GPC6: variants seen among roughly 807,000 people sequenced by gnomAD.
The protein encoded by GPC6 is glypican-6.
Under a neutral mutation model 55.2 loss-of-function variants are expected in GPC6, and 14 were observed. That is an observed-to-expected ratio of 0.25 (90% CI 0.17 to 0.40). The LOEUF is 0.40. Ranked by LOEUF, GPC6 falls within the 10% of genes least tolerant of loss-of-function variation. GPC6 has a pLI of 1.00. For missense variants in GPC6, 641 were observed against 708.5 expected, an observed-to-expected ratio of 0.90 and a Z score of 1.08; for synonymous variants, 278 against 259.6, an observed-to-expected ratio of 1.07 and a Z score of -0.68.
chr13:94,264,697 G>T (rs992058851), intron 4 of GPC6, among the ~76,000 whole-genome samples: 7 of 152,168 alleles, frequency 4.6e-5, no homozygotes, highest in African/African-American at 1.2e-4. Context: ...TTAAAAAGAG[G>T]TATTTGAGAT....
intron 2 of GPC6, among the ~76,000 whole-genome samples, chr13:93,653,990 C>T (rs529575631): frequency 2.0e-5 from 3 of 152,278 alleles, no homozygotes; most frequent in Non-Finnish European, 4.4e-5. Context: ...TTATCACTTT[C>T]ACAGCCAGGA....
chr13:94,129,787 A>G (rs1205887351), intron 4 of GPC6, among the ~76,000 whole-genome samples: 2 of 152,148 alleles, frequency 1.3e-5, no homozygotes, highest in Non-Finnish European at 2.9e-5. Flanking sequence ...CTTGACTAAT[A>G]GAATAGCCCA....
At chr13:94,365,217 T>C (rs1420345218) in intron 6 of GPC6, among the ~76,000 whole-genome samples, 2 of 152,184 alleles carry the variant, frequency 1.3e-5, no homozygotes, top group Non-Finnish European at 2.9e-5. Context: ...TTGAAACCCA[T>C]AGAAAGACTT....
At chr13:93,617,297 T>G (rs1266315675) in intron 2 of GPC6, among the ~76,000 whole-genome samples, 1 of 152,136 alleles carries the variant, frequency 6.6e-6, no homozygotes, top group Non-Finnish European at 1.5e-5. Context: ...GTTTCTTTAT[T>G]TAGTTGTGTA....
chr13:93,373,775 T>A (rs952460562), intron 1 of GPC6, among the ~76,000 whole-genome samples: 1 of 152,236 alleles, frequency 6.6e-6, no homozygotes, highest in Non-Finnish European at 1.5e-5. Context: ...ACTAGTTAAA[T>A]CTGAGGTCAG....
At chr13:93,654,493 A>T (rs1436871766) in intron 2 of GPC6, among the ~76,000 whole-genome samples, 5 of 151,932 alleles carry the variant, frequency 3.3e-5, no homozygotes, top group African/African-American at 1.2e-4. Flanking sequence ...ACACCCAGCT[A>T]ATTTTTGTAT....
At chr13:93,778,100 A>G (rs1021704807) in intron 2 of GPC6, among the ~76,000 whole-genome samples, 5 of 152,128 alleles carry the variant, frequency 3.3e-5, no homozygotes, top group Admixed American at 6.6e-5. Context: ...CTAGCTGTCA[A>G]TGGGATTACA....
intron 1 of GPC6, among the ~76,000 whole-genome samples, chr13:93,498,094 A>G (rs759475033): frequency 6.6e-6 from 1 of 152,184 alleles, no homozygotes. Context: ...TAGCTTCAAG[A>G]TATGGAATAC....
At chr13:93,966,136 G>A (rs946753595) in intron 3 of GPC6, among the ~76,000 whole-genome samples, 3 of 152,174 alleles carry the variant, frequency 2.0e-5, no homozygotes, top group African/African-American at 7.2e-5. Context: ...TCCTCCTGGG[G>A]CACCTTTGCT....
intron 1 of GPC6, among the ~76,000 whole-genome samples, chr13:93,238,274 CT>C (rs1876307363): frequency 6.6e-6 from 1 of 152,058 alleles, no homozygotes; most frequent in Non-Finnish European, 1.5e-5. Context: ...TTGTAGAGAT[CT>C]CTCACATCCT....
chr13:94,367,873 G>A (rs1249581456), intron 6 of GPC6, among the ~76,000 whole-genome samples: 4 of 151,516 alleles, frequency 2.6e-5, no homozygotes, highest in South Asian at 2.1e-4. Context: ...AGTACCGGCC[G>A]GGCACCATGG....
chr13:94,192,604 G>A (rs771694792), intron 4 of GPC6, among the ~76,000 whole-genome samples: 1 of 152,148 alleles, frequency 6.6e-6, no homozygotes, highest in Non-Finnish European at 1.5e-5. Flanking sequence ...CAGACTAAAT[G>A]TTTGTGATGT....
intron 4 of GPC6, among the ~76,000 whole-genome samples, chr13:94,242,954 A>C (rs1382237456): frequency 6.6e-6 from 1 of 152,064 alleles, no homozygotes; most frequent in Non-Finnish European, 1.5e-5. Context: ...ATCTAAAAAA[A>C]AAAAAAAGTA....
rs147743846 is a variant in GPC6, at chr13:93,764,857, T to C, written c.320-65297T>C. Among the ~76,000 whole-genome samples the C allele has an allele frequency of 9.8e-5, 15 of 152,330 alleles. 1 individual carries two copies. The East Asian group carries it at 2.9e-3, about 29-fold the overall frequency. ...CTCTCTTGCCCAGGCTGGAGTGTAG[T>C]GGCGTGATCTCAGCTCACTACAAGC... On this transcript the variant is annotated intron_variant, in intron 2 of 8. Transcript: ENST00000377047.
intron 4 of GPC6, among the ~76,000 whole-genome samples, chr13:94,250,022 G>C (rs1422418096): frequency 6.6e-6 from 1 of 152,104 alleles, no homozygotes. Context: ...ACATACTTGG[G>C]TTTTATGATG....
At chr13:94,228,737 C>T (rs1890630582) in intron 4 of GPC6, among the ~76,000 whole-genome samples, 1 of 151,916 alleles carries the variant, frequency 6.6e-6, no homozygotes, top group Admixed American at 6.6e-5. Context: ...CTGAAGCCAT[C>T]CCATCCTCCA....
chr13:94,325,097 G>A (rs536842830), intron 6 of GPC6, among the ~76,000 whole-genome samples: 29 of 152,042 alleles, frequency 1.9e-4, no homozygotes, highest in African/African-American at 6.7e-4. Context: ...GTCGTCCACA[G>A]TACTTTCATA....
intron 2 of GPC6, among the ~76,000 whole-genome samples, chr13:93,705,280 C>A (rs1202968972): frequency 2.0e-5 from 3 of 151,866 alleles, no homozygotes; most frequent in Admixed American, 2.0e-4. Context: ...GTGTAGTTTG[C>A]AAACCAATGC....
At chr13:94,320,447 T>A (rs931166356) in intron 6 of GPC6, among the ~76,000 whole-genome samples, 1 of 152,176 alleles carries the variant, frequency 6.6e-6, no homozygotes, top group African/African-American at 2.4e-5. Flanking sequence ...TGTTGTGGGT[T>A]TTTTTTGTGT....
Sources: allele counts gnomAD v4.1 joint callset (sites outside exome capture counted in the v4.1 genomes callset), GRCh38; gene constraint gnomAD v4.1.1; transcripts MANE v1.5; gene names NCBI Gene and HGNC (gene_info 2026-07-23, HGNC 2026-07-21).